DNAAF11: variants seen among roughly 807,000 people sequenced by gnomAD.
The protein encoded by DNAAF11 is leucine rich repeat containing 6.
Under a neutral mutation model 60.8 loss-of-function variants are expected in DNAAF11, and 45 were observed. That is an observed-to-expected ratio of 0.74 (90% CI 0.58 to 0.95). DNAAF11 has a LOEUF of 0.95. DNAAF11 is among the 40% of genes least tolerant of loss of function. The probability of loss-of-function intolerance (pLI) is 0.00; values close to 1 mark genes in which losing one functional copy is unlikely to be tolerated. For missense variants in DNAAF11, 546 were observed against 546.2 expected (o/e 1.00, Z 0.00); for synonymous variants, 191 against 183.5 (o/e 1.04, Z -0.33).
chr8:132,622,369 ATAAC>A (rs1356760123), intron 7 of DNAAF11, among the ~76,000 whole-genome samples: 4 of 152,230 alleles, frequency 2.6e-5, no homozygotes, highest in Non-Finnish European at 5.9e-5. Flanking sequence ...GGGTACATAA[ATAAC>A]TAAGATCTCC....
intron 4 of DNAAF11, 129 bp from the exon 5 acceptor site, chr8:132,633,092 G>A (rs1256395555): frequency 1.6e-5 from 9 of 579,486 alleles, no homozygotes; most frequent in South Asian, 4.9e-5. Flanking sequence ...ATAATTAATG[G>A]GAAATATCAG....
intron 10 of DNAAF11, among the ~76,000 whole-genome samples, chr8:132,594,674 T>C (rs1387241609): frequency 6.6e-6 from 1 of 152,122 alleles, no homozygotes; most frequent in Non-Finnish European, 1.5e-5. Flanking sequence ...GATGGTTTTA[T>C]AAGGGGCTCT....
At chr8:132,665,230 A>G (rs1312344548) in intron 1 of DNAAF11, among the ~76,000 whole-genome samples, 1 of 152,110 alleles carries the variant, frequency 6.6e-6, no homozygotes, top group African/African-American at 2.4e-5. Context: ...CATCAGAACA[A>G]AAACCAGAGC....
At chr8:132,678,571 G>T (rs1825821221), upstream of DNAAF11, among the ~76,000 whole-genome samples, 1 of 151,818 alleles carries the variant, frequency 6.6e-6, no homozygotes, top group Non-Finnish European at 1.5e-5. Flanking sequence ...TTTTTATAGA[G>T]ATAAGGTCTC....
At chr8:132,674,148 G>C (rs1226144497) in intron 1 of DNAAF11, among the ~76,000 whole-genome samples, 2 of 120,546 alleles carry the variant, frequency 1.7e-5, no homozygotes, top group Non-Finnish European at 1.8e-5. Context: ...GGAGGAGGAA[G>C]AGGAGGAGGA....
upstream of DNAAF11, among the ~76,000 whole-genome samples, chr8:132,678,695 T>C (rs988225447): frequency 2.0e-5 from 3 of 151,824 alleles, no homozygotes; most frequent in Non-Finnish European, 4.4e-5. Context: ...CCTAGTGCCC[T>C]TATATTGAAC....
intron 3 of DNAAF11, among the ~76,000 whole-genome samples, chr8:132,653,186 T>C (rs1823197966): frequency 1.3e-5 from 2 of 151,728 alleles, no homozygotes; most frequent in Admixed American, 6.6e-5. Flanking sequence ...AAGAAAGTTA[T>C]TGGAAAAGAT....
chr8:132,634,941 T>A (rs1246530656), intron 4 of DNAAF11, among the ~76,000 whole-genome samples: 1 of 151,234 alleles, frequency 6.6e-6, no homozygotes, highest in African/African-American at 2.5e-5. Flanking sequence ...GTACATTAAT[T>A]GATTGATTGA....
At chr8:132,693,355 T>C in the DNAAF11 span, among the ~76,000 whole-genome samples, 1 of 152,222 alleles carries the variant, frequency 6.6e-6, no homozygotes, top group East Asian at 1.9e-4. Flanking sequence ...AAATATAGAA[T>C]ACATACATGT....
At chr8:132,699,703 C>A in the DNAAF11 span, among the ~76,000 whole-genome samples, 2 of 152,060 alleles carry the variant, frequency 1.3e-5, no homozygotes, top group East Asian at 3.9e-4. Flanking sequence ...AAACATCCAC[C>A]AGTGGATGAA....
chr8:132,663,355 C>T lies in DNAAF11; in HGVS notation c.11-1728G>A, dbSNP rs188523992. ...TCCTCCTAACCAAAGTTGGTTCTAA[C>T]AGCTTAAATCAACTGATAATGAATA... On this transcript the variant is annotated intron_variant, in intron 1 of 11. Coordinates refer to ENST00000620350, the MANE Select transcript of DNAAF11 (RefSeq NM_012472.6). Among the ~76,000 whole-genome samples the T allele has an allele frequency of 4.4e-4, 67 of 152,324 alleles. 2 individuals carry two copies. The East Asian group carries it at 0.012, about 26-fold the overall frequency.
chr8:132,572,740 G>T (rs1163690302), intron 11 of DNAAF11, among the ~76,000 whole-genome samples: 1 of 151,174 alleles, frequency 6.6e-6, no homozygotes, highest in Non-Finnish European at 1.5e-5. Context: ...AGTTGGAGGA[G>T]ACGTCACCTG....
intron 10 of DNAAF11, among the ~76,000 whole-genome samples, chr8:132,592,645 T>C (rs1307176567): frequency 6.6e-6 from 1 of 152,118 alleles, no homozygotes; most frequent in Non-Finnish European, 1.5e-5. Context: ...TTTTGGAAGG[T>C]TGCTGGAAAG....
intron 5 of DNAAF11, among the ~76,000 whole-genome samples, chr8:132,632,058 A>G (rs1291728042): frequency 6.6e-6 from 1 of 152,140 alleles, no homozygotes. Flanking sequence ...GCAAACATAC[A>G]AACTATTGTC....
the DNAAF11 span, among the ~76,000 whole-genome samples, chr8:132,694,737 C>A: frequency 2.0e-5 from 3 of 152,164 alleles, no homozygotes; most frequent in African/African-American, 4.8e-5. Context: ...TCTTAGCCAT[C>A]CAGATGGAAA....
At chr8:132,617,580 T>C (rs67002454) in intron 7 of DNAAF11, among the ~76,000 whole-genome samples, 24,195 of 152,168 alleles carry the variant, frequency 0.16, 2,979 homozygotes, top group African/African-American at 0.34. Context: ...ACAATCATGT[T>C]GTCTGCAAAT....
chr8:132,666,076 A>G (rs1269058169), intron 1 of DNAAF11, among the ~76,000 whole-genome samples: 1 of 152,172 alleles, frequency 6.6e-6, no homozygotes, highest in Non-Finnish European at 1.5e-5. Flanking sequence ...TGGAAACAAT[A>G]GACCCTGAGG....
intron 10 of DNAAF11, among the ~76,000 whole-genome samples, chr8:132,598,777 G>C (rs560617510): frequency 2.6e-5 from 4 of 152,202 alleles, no homozygotes; most frequent in Non-Finnish European, 1.5e-5. Context: ...TTAAAGCAGT[G>C]TGTAGAGGGA....
At chr8:132,629,620 T>C (rs1011280016) in intron 5 of DNAAF11, among the ~76,000 whole-genome samples, 1 of 152,164 alleles carries the variant, frequency 6.6e-6, no homozygotes, top group Non-Finnish European at 1.5e-5. Context: ...GTGCTGAGAT[T>C]ACAGGCATGA....
Sources: allele counts gnomAD v4.1 joint callset (sites outside exome capture counted in the v4.1 genomes callset), GRCh38; gene constraint gnomAD v4.1.1; transcripts MANE v1.5; gene names NCBI Gene and HGNC (gene_info 2026-07-23, HGNC 2026-07-21).